Variants in ADAMTS17 observed in about 807,000 individuals in gnomAD.
ADAMTS17 encodes A disintegrin and metalloproteinase with thrombospondin motifs 17.
Under a neutral mutation model 141.5 loss-of-function variants are expected in ADAMTS17, and 113 were observed. The ratio of observed to expected loss-of-function variants is 0.80; its 90% confidence interval spans 0.69 to 0.93. ADAMTS17 has a LOEUF of 0.93. Among genes scored for constraint, ADAMTS17 ranks in the 40% least tolerant of loss-of-function variants. ADAMTS17 has a pLI of 0.00. For synonymous variants in ADAMTS17, 768 were observed against 630.6 expected (o/e 1.22, Z -3.27); for missense variants, 1,659 against 1,517.9 (o/e 1.09, Z -1.54).
At chr15:100,259,784 A>G (rs926639014) in intron 6 of ADAMTS17, among the ~76,000 whole-genome samples, 2 of 152,318 alleles carry the variant, frequency 1.3e-5, no homozygotes, top group South Asian at 2.1e-4. Context: ...AACCATCCAC[A>G]AGAGTGAGCA....
In ADAMTS17 at chr15:100,261,658, T is replaced by G. The variant is rs545499267; in HGVS notation, c.874-22A>C. 2.5e-6 allele frequency: 4 copies of G among 1,611,338 alleles called. No individual in the cohort carries two copies. In the East Asian group the frequency reaches 8.9e-5, roughly 36 times the overall value. The stretch of plus-strand genomic sequence containing the variant: ...TAGCCTAAAAAAAGTCAGAGGACAG[T>G]TAGAGAAACAAACGCCTGGGAGGCC... On this transcript the variant is annotated intron_variant, in intron 5 of 21. Transcript: ENST00000268070.
intron 2 of ADAMTS17, among the ~76,000 whole-genome samples, chr15:100,331,520 G>C (rs181736433): frequency 1.5e-3 from 235 of 152,162 alleles, no homozygotes; most frequent in Non-Finnish European, 2.5e-3. Flanking sequence ...AAAACAATTT[G>C]CCCTCCTTCA....
chr15:100,220,622 G>A (rs936129834), intron 7 of ADAMTS17, among the ~76,000 whole-genome samples: 4 of 152,144 alleles, frequency 2.6e-5, no homozygotes, highest in African/African-American at 9.7e-5. Flanking sequence ...AATTCGAGAA[G>A]ATTTTCATCA....
Position 100,153,335 on chromosome 15 carries a change from G to A in ADAMTS17, c.1323-573C>T, listed in dbSNP as rs554862109. ...GGAGCATTCATTCACAGTGAGAGGC[G>A]CGTCTCTAAAAGAGTGAACTGGGGG... On this transcript the variant is annotated intron_variant, in intron 9 of 21. Coordinates refer to ENST00000268070, the MANE Select transcript of ADAMTS17 (RefSeq NM_139057.4). Among the ~76,000 whole-genome samples, 16 of 152,182 alleles carry A rather than the reference G, an allele frequency of 1.1e-4. 2 individuals are homozygous for A. Among genetic ancestry groups the A allele is most frequent in the Admixed American group, 7.2e-4 (11 of 15,292 alleles).
chr15:100,218,152 C>T (rs772001952), intron 7 of ADAMTS17, among the ~76,000 whole-genome samples: 155 of 152,264 alleles, frequency 1.0e-3, no homozygotes, highest in Non-Finnish European at 1.7e-3. Flanking sequence ...GGACTGCAGG[C>T]GTGAGCCACT....
At chr15:100,093,613 C>T (rs1278499252) in intron 15 of ADAMTS17, among the ~76,000 whole-genome samples, 1 of 152,016 alleles carries the variant, frequency 6.6e-6, no homozygotes, top group African/African-American at 2.4e-5. Context: ...AAGTGTCCTC[C>T]CCCTACCCCC....
intron 3 of ADAMTS17, among the ~76,000 whole-genome samples, chr15:100,288,224 T>C (rs956734641): frequency 6.6e-6 from 1 of 152,142 alleles, no homozygotes; most frequent in African/African-American, 2.4e-5. Context: ...CTATTCTAAT[T>C]TCAGACAAAA....
At chr15:100,235,554 T>C (rs903666071) in intron 7 of ADAMTS17, among the ~76,000 whole-genome samples, 16 of 151,870 alleles carry the variant, frequency 1.1e-4, no homozygotes, top group Admixed American at 3.3e-4. Flanking sequence ...TCACAGATGC[T>C]CGGCATCACC....
In ADAMTS17 at chr15:100,307,436, T is replaced by C. The variant is rs112300567; in HGVS notation, c.616+23453A>G. Among the ~76,000 whole-genome samples the C allele has an allele frequency of 4.0e-3, 603 of 152,276 alleles. 2 individuals carry two copies. The highest frequency in any genetic ancestry group is 0.013 in the African/African-American group (552 of 41,566). On this transcript the variant is annotated intron_variant, in intron 3 of 21. Coordinates refer to ENST00000268070, the MANE Select transcript of ADAMTS17 (RefSeq NM_139057.4). ...CCCAGAGTGAAACAAAAGAAAGAGATGGCAAGAGCAAGCAAGGAAGCCCCA... is the reference window on the plus strand; with the variant it reads ...CCCAGAGTGAAACAAAAGAAAGAGACGGCAAGAGCAAGCAAGGAAGCCCCA...
At chr15:100,020,745 A>C (rs1247683927) in intron 18 of ADAMTS17, among the ~76,000 whole-genome samples, 3 of 152,242 alleles carry the variant, frequency 2.0e-5, no homozygotes, top group Non-Finnish European at 4.4e-5. Flanking sequence ...GGCTAGAGCC[A>C]TGTGGAGACG....
intron 7 of ADAMTS17, among the ~76,000 whole-genome samples, chr15:100,230,949 A>T (rs1398458946): frequency 1.3e-5 from 2 of 152,156 alleles, no homozygotes; most frequent in Admixed American, 1.3e-4. Context: ...AGACAGAGGG[A>T]TTAGCAATAA....
At chr15:100,189,614 C>T (rs1470153822) in intron 8 of ADAMTS17, among the ~76,000 whole-genome samples, 1 of 152,196 alleles carries the variant, frequency 6.6e-6, no homozygotes, top group African/African-American at 2.4e-5. Context: ...CTGAAGGCTC[C>T]CCTGACCAGA....
chr15:100,244,556 T>C (rs1482262003), intron 7 of ADAMTS17, among the ~76,000 whole-genome samples: 4 of 151,736 alleles, frequency 2.6e-5, no homozygotes, highest in Non-Finnish European at 5.9e-5. Flanking sequence ...TCTCATGAGA[T>C]CGGATGGTTT....
At chr15:100,147,472 C>T (rs142592325) in intron 10 of ADAMTS17, among the ~76,000 whole-genome samples, 4 of 152,288 alleles carry the variant, frequency 2.6e-5, no homozygotes, top group African/African-American at 9.6e-5. Context: ...ACCTGTATAG[C>T]GTGGTACTGT....
At chr15:100,130,739 C>T (rs7179855) in intron 12 of ADAMTS17, among the ~76,000 whole-genome samples, 113,882 of 152,092 alleles carry the variant, frequency 0.75, 43,074 homozygotes, top group East Asian at 0.88. Context: ...TTTATAGTCA[C>T]TATTTAGAAC....
intron 18 of ADAMTS17, among the ~76,000 whole-genome samples, chr15:100,034,163 G>A (rs1002387804): frequency 6.6e-6 from 1 of 152,242 alleles, no homozygotes; most frequent in Non-Finnish European, 1.5e-5. Context: ...CTCCAGGAAA[G>A]GTAGACTCCA....
Position 100,227,443 on chromosome 15 carries a change from C to T in ADAMTS17, c.1075+26693G>A, listed in dbSNP as rs552072716. 2.0e-4 allele frequency among the ~76,000 whole-genome samples: 30 copies of T among 152,292 alleles called. No individual in the cohort carries two copies. The South Asian group carries it at 6.2e-3, about 32-fold the overall frequency. Reference sequence around the variant, plus strand: ...AGATCCACCCACTTTTCTTTATCTCCCCTAAATGACTGTACACTTGGCCGC... The same window carrying T: ...AGATCCACCCACTTTTCTTTATCTCTCCTAAATGACTGTACACTTGGCCGC... On this transcript the variant is annotated intron_variant, in intron 7 of 21. Coordinates refer to ENST00000268070, the MANE Select transcript of ADAMTS17 (RefSeq NM_139057.4).
intron 4 of ADAMTS17, 109 bp from the exon 5 acceptor site, chr15:100,262,544 A>T (rs2043560312): frequency 2.5e-6 from 2 of 807,922 alleles, no homozygotes; most frequent in Admixed American, 4.9e-5. Context: ...TGTAAAAATA[A>T]GGAAATAGAA....
intron 8 of ADAMTS17, among the ~76,000 whole-genome samples, chr15:100,185,847 C>T (rs1013918225): frequency 6.6e-6 from 1 of 152,160 alleles, no homozygotes; most frequent in African/African-American, 2.4e-5. Flanking sequence ...ACAGACTTCC[C>T]ACGCTGAACA....
Sources: gnomAD v4.1 joint callset for allele counts (sites outside exome capture counted in the v4.1 genomes callset) on GRCh38, gnomAD v4.1.1 for gene constraint, MANE v1.5 for transcripts, NCBI Gene and HGNC (gene_info 2026-07-23, HGNC 2026-07-21) for gene names.